ANO4: variants seen among roughly 807,000 people sequenced by gnomAD.
ANO4 encodes anoctamin-4.
A neutral mutation model predicts 141.9 loss-of-function variants in ANO4; 69 were observed. That is an observed-to-expected ratio of 0.49 (90% CI 0.40 to 0.59). The LOEUF (loss-of-function observed/expected upper bound fraction) is 0.59, where lower values mean the gene tolerates loss of function less well. Among genes scored for constraint, ANO4 ranks in the 20% least tolerant of loss-of-function variants. The pLI is 0.00. For synonymous variants in ANO4, 350 were observed against 394.3 expected, an observed-to-expected ratio of 0.89 and a Z score of 1.33; for missense variants, 894 against 1,162.2, an observed-to-expected ratio of 0.77 and a Z score of 3.36.
intron 1 of ANO4, among the ~76,000 whole-genome samples, chr12:100,878,496 C>A (rs1319894774): frequency 6.6e-6 from 1 of 152,136 alleles, no homozygotes; most frequent in Non-Finnish European, 1.5e-5. Context: ...TGTAAATATC[C>A]AATGATGTTA....
rs549432048 is a variant in ANO4 at position 100,731,021 on chromosome 12, A to C, written c.23-2753A>C. The stretch of plus-strand genomic sequence containing the variant: ...CTCCTATTTCCTGGCTTCTCTGTCC[A>C]GGTACCTGCTGTTCTTTCCTGCTAA... On this transcript the variant is annotated intron_variant, in intron 1 of 29. Transcript: ENST00000644049. 3.3e-5 allele frequency among the ~76,000 whole-genome samples: 5 copies of C among 152,294 alleles called. 1 individual carries two copies. The highest frequency in any genetic ancestry group is 1.2e-4 in the African/African-American group (5 of 41,572).
chr12:100,931,467 GGTAT>G (rs1184582601), intron 3 of ANO4, among the ~76,000 whole-genome samples: 1 of 152,140 alleles, frequency 6.6e-6, no homozygotes, highest in Non-Finnish European at 1.5e-5. Flanking sequence ...AGCTAGAAAT[GGTAT>G]GGATTTGGGG....
intron 1 of ANO4, among the ~76,000 whole-genome samples, chr12:100,841,554 A>C (rs1565925943): frequency 6.6e-6 from 1 of 152,132 alleles, no homozygotes; most frequent in Non-Finnish European, 1.5e-5. Context: ...GCAAGCTACC[A>C]AAACAGAATG....
intron 3 of ANO4, among the ~76,000 whole-genome samples, chr12:100,774,842 T>A (rs1319177730): frequency 1.3e-5 from 2 of 152,236 alleles, no homozygotes; most frequent in Non-Finnish European, 2.9e-5. Flanking sequence ...TTGGACAATC[T>A]TGTAAATGAA....
intron 1 of ANO4, among the ~76,000 whole-genome samples, chr12:100,892,911 C>A (rs1250686201): frequency 6.6e-6 from 1 of 152,234 alleles, no homozygotes; most frequent in Middle Eastern, 3.4e-3. Context: ...CCCCCGGCAC[C>A]CTCCGTTTCT....
At chr12:101,113,113 C>T (rs2050722917) in intron 24 of ANO4, among the ~76,000 whole-genome samples, 1 of 152,086 alleles carries the variant, frequency 6.6e-6, no homozygotes, top group South Asian at 2.1e-4. Context: ...AGGTTAAGTC[C>T]AGAATCACAA....
intron 3 of ANO4, among the ~76,000 whole-genome samples, chr12:100,936,657 C>G (rs916429853): frequency 1.3e-5 from 2 of 152,062 alleles, no homozygotes; most frequent in Non-Finnish European, 2.9e-5. Context: ...TATCTCACAC[C>G]CCGTCCTAAA....
intron 17 of ANO4, among the ~76,000 whole-genome samples, 177 bp from the exon 18 acceptor site, chr12:101,094,079 C>G (rs2049883675): frequency 6.6e-6 from 1 of 152,104 alleles, no homozygotes; most frequent in Non-Finnish European, 1.5e-5. Context: ...ACGCTAATCT[C>G]CATTACCAAT....
At chr12:100,772,572 G>A (rs1305189333) in intron 3 of ANO4, among the ~76,000 whole-genome samples, 6 of 152,278 alleles carry the variant, frequency 3.9e-5, no homozygotes, top group South Asian at 4.1e-4. Flanking sequence ...GATACTTCCC[G>A]AAATATGTGA....
intron 5 of ANO4, among the ~76,000 whole-genome samples, chr12:100,947,167 A>G (rs1396312523): frequency 6.6e-6 from 1 of 152,244 alleles, no homozygotes; most frequent in East Asian, 1.9e-4. Context: ...AAGTTTGGTC[A>G]ATAAAGAGTT....
chr12:100,896,651 T>C (rs2040368486), intron 1 of ANO4, among the ~76,000 whole-genome samples: 1 of 152,192 alleles, frequency 6.6e-6, no homozygotes, highest in South Asian at 2.1e-4. Context: ...TGGGAACTAA[T>C]ATACCCACCT....
intron 3 of ANO4, among the ~76,000 whole-genome samples, chr12:100,775,714 A>G (rs1325608990): frequency 6.6e-6 from 1 of 152,212 alleles, no homozygotes; most frequent in Non-Finnish European, 1.5e-5. Flanking sequence ...AGAGCACAGC[A>G]TTCATGTGCT....
At chr12:100,876,472 T>G (rs2039315357) in intron 1 of ANO4, among the ~76,000 whole-genome samples, 1 of 152,144 alleles carries the variant, frequency 6.6e-6, no homozygotes. Flanking sequence ...AAGGTTGTGC[T>G]GAGTCAAAGC....
chr12:100,719,736 C>A (rs1185179520), intron 1 of ANO4, among the ~76,000 whole-genome samples: 2 of 152,202 alleles, frequency 1.3e-5, no homozygotes, highest in Non-Finnish European at 2.9e-5. Flanking sequence ...ATTTCATTAG[C>A]AGCAGCCTCT....
intron 2 of ANO4, among the ~76,000 whole-genome samples, chr12:100,904,599 A>G (rs982131038): frequency 4.6e-5 from 7 of 152,052 alleles, no homozygotes; most frequent in South Asian, 2.1e-4. Flanking sequence ...GAAGAATAGT[A>G]TGGAGGCTCC....
At chr12:100,934,672 T>G (rs1182056474) in intron 3 of ANO4, among the ~76,000 whole-genome samples, 1 of 152,174 alleles carries the variant, frequency 6.6e-6, no homozygotes, top group Non-Finnish European at 1.5e-5. Flanking sequence ...ATCTATAAAT[T>G]ACCTTGGGCA....
intron 3 of ANO4, among the ~76,000 whole-genome samples, chr12:100,932,636 T>A (rs1010319482): frequency 1.3e-5 from 2 of 152,164 alleles, no homozygotes; most frequent in Admixed American, 6.6e-5. Flanking sequence ...AATAGTTGAT[T>A]TGATTAGTAG....
intron 14 of ANO4, among the ~76,000 whole-genome samples, chr12:101,066,202 A>T (rs1223716860): frequency 2.0e-5 from 3 of 152,236 alleles, no homozygotes; most frequent in Non-Finnish European, 4.4e-5. Flanking sequence ...AATCTGGAGC[A>T]TAATAAGGAT....
intron 2 of ANO4, among the ~76,000 whole-genome samples, chr12:100,739,462 G>T (rs556740874): frequency 6.6e-6 from 1 of 152,282 alleles, no homozygotes; most frequent in African/African-American, 2.4e-5. Context: ...AGGCCAGGTT[G>T]AGATCCAGTT....
Sources: allele counts gnomAD v4.1 joint callset (sites outside exome capture counted in the v4.1 genomes callset), GRCh38; gene constraint gnomAD v4.1.1; transcripts MANE v1.5; gene names NCBI Gene and HGNC (gene_info 2026-07-23, HGNC 2026-07-21).